Variants in STKLD1 observed in about 807,000 individuals in gnomAD.
The protein encoded by STKLD1 is serine/threonine kinase-like domain-containing protein STKLD1.
Under a neutral mutation model 80.4 loss-of-function variants are expected in STKLD1, and 79 were observed. That is an observed-to-expected ratio of 0.98 (90% CI 0.82 to 1.19). STKLD1 has a LOEUF of 1.19. STKLD1 is among the 50% of genes most tolerant of loss of function. The probability of loss-of-function intolerance (pLI) is 0.00; values close to 1 mark genes in which losing one functional copy is unlikely to be tolerated. For missense variants in STKLD1, 841 were observed against 856.0 expected, an observed-to-expected ratio of 0.98 and a Z score of 0.22; for synonymous variants, 393 against 357.6, an observed-to-expected ratio of 1.10 and a Z score of -1.12.
In STKLD1 at chr9:133,403,032, C is replaced by T; in HGVS notation, c.1474+20C>T. ...TGGACGGTGAGGGGCCCTCCTCCTGCTGTCCCACCGGGGCTGGCAGCCCTC... is the reference window on the plus strand; with the variant it reads ...TGGACGGTGAGGGGCCCTCCTCCTGTTGTCCCACCGGGGCTGGCAGCCCTC... On this transcript the variant is annotated intron_variant, in intron 14 of 17. Coordinates refer to ENST00000371957, the MANE Select transcript of STKLD1 (RefSeq NM_153710.5). The T allele has an allele frequency of 6.4e-7, 1 of 1,550,764 alleles. No homozygotes were observed. Among genetic ancestry groups the T allele is most frequent in the Non-Finnish European group, 8.7e-7 (1 of 1,146,602 alleles).
chr9:133,388,806 G>C (rs2130282902), intron 5 of STKLD1: 44 of 985,286 alleles, frequency 4.5e-5, no homozygotes, highest in Non-Finnish European at 5.2e-5. Flanking sequence ...GTACCCCTGA[G>C]GGGCTCTTCG....
Position 133,403,730 on chromosome 9 carries a change from A to C in STKLD1, c.1505A>C (p.Lys502Thr), listed in dbSNP as rs782586055. ...GIIVNKAPLEKVPDLISQVLA... is the reference protein window; with the variant it reads ...GIIVNKAPLETVPDLISQVLA... ...ATTGTGAACAAGGCCCCCTTGGAGA[A>C]GGTCCCGGACCTCATCAGCCAGGTG... Residue 502 changes from lysine to threonine, a missense_variant, in exon 15 of 18, where the codon AAG becomes ACG. Coordinates refer to ENST00000371957, the MANE Select transcript of STKLD1 (RefSeq NM_153710.5). 1 of 1,613,780 alleles carries C rather than the reference A, an allele frequency of 6.2e-7. No individual in the cohort carries two copies. Among genetic ancestry groups the C allele is most frequent in the South Asian group, 1.1e-5 (1 of 91,064 alleles).
At position 133,404,051 on chromosome 9, in the gene STKLD1, G is replaced by T. The variant is rs782548044; in HGVS notation, c.1732+3G>T. 3 of 1,596,078 alleles carry T rather than the reference G, an allele frequency of 1.9e-6. No homozygotes were observed. Among genetic ancestry groups the T allele is most frequent in the Non-Finnish European group, 2.6e-6 (3 of 1,171,790 alleles). The stretch of plus-strand genomic sequence containing the variant: ...GGCCAGCCTGGTGAAGGTGTCAGGT[G>T]AGCCTGGGGACAGGACGAGGCTGCC... On this transcript the variant is annotated splice_donor_region_variant and intron_variant, in intron 16 of 17. Transcript: ENST00000371957.
At chr9:133,403,265 C>T (rs1838756651) in intron 14 of STKLD1, among the ~76,000 whole-genome samples, 1 of 152,234 alleles carries the variant, frequency 6.6e-6, no homozygotes, top group Non-Finnish European at 1.5e-5. Flanking sequence ...TGGGCAGACC[C>T]CTCAGTTTTA....
chr9:133,394,603 C>T lies in STKLD1; in HGVS notation c.702+194C>T, dbSNP rs909194607. ...CCCTCAGCTTGCAGCACCTGCTGGG[C>T]TCTAGCAGGATAATGACAGCAGTGG... On this transcript the variant is annotated intron_variant, in intron 8 of 17. Coordinates refer to ENST00000371957, the MANE Select transcript of STKLD1 (RefSeq NM_153710.5). This position sits in a 1 kb window ranked among gnomAD's most constrained non-coding sequence, Gnocchi z 4.9. Among the ~76,000 whole-genome samples the T allele has an allele frequency of 6.6e-6, 1 of 152,190 alleles. No homozygotes were observed. The highest frequency in any genetic ancestry group is 1.5e-5 in the Non-Finnish European group (1 of 68,028).
At position 133,400,519 on chromosome 9, in the gene STKLD1, C is replaced by T. The variant is rs1239033220; in HGVS notation, c.1188C>T (p.Leu396=). Residue 396 remains leucine, a synonymous_variant, in exon 12 of 18, where the codon CTC becomes CTT. Transcript: ENST00000371957. ...GTGCCTGCTCCCTGCTGCTGCACCT[C>T]CTGGGCCAAGGTGGGTGCCAAACCA... ...QLCACSLLLH[L]LGQALVHHPE... 1 of 1,611,724 alleles carries T rather than the reference C, an allele frequency of 6.2e-7. No individual in the cohort carries two copies. Among genetic ancestry groups the T allele is most frequent in the East Asian group, 2.2e-5 (1 of 44,868 alleles).
intron 2 of STKLD1, among the ~76,000 whole-genome samples, chr9:133,380,204 T>G (rs1480206013): frequency 1.3e-5 from 2 of 152,074 alleles, no homozygotes; most frequent in African/African-American, 4.8e-5. Flanking sequence ...CCCGGCTAAT[T>G]TTTTGTATTT....
chr9:133,401,527 G>GC (rs782364210), intron 12 of STKLD1, among the ~76,000 whole-genome samples: 7 of 152,208 alleles, frequency 4.6e-5, no homozygotes, highest in Non-Finnish European at 1.0e-4. Context: ...GGACCAGGAT[G>GC]CGTGGCCTGG....
Position 133,394,676 on chromosome 9 carries a change from G to A in STKLD1, c.702+267G>A. 2.2e-6 allele frequency: 1 copy of A among 462,894 alleles called. No individual in the cohort carries two copies. Among genetic ancestry groups the A allele is most frequent in the East Asian group, 3.7e-5 (1 of 27,084 alleles). The allele number at this position is 462,894 out of a possible 1,614,324, so 28.7% of individuals were successfully genotyped here. A position where few individuals can be genotyped will look rare whatever the true frequency, so the allele number is the denominator to read the frequency against. Reference sequence around the variant, plus strand: ...GACCCTCGCAGCAGCCCTCCAGGTGGTGTCACTGACTCTTGATGGAGAAAA... The same window carrying A: ...GACCCTCGCAGCAGCCCTCCAGGTGATGTCACTGACTCTTGATGGAGAAAA... On this transcript the variant is annotated intron_variant, in intron 8 of 17. Coordinates refer to ENST00000371957, the MANE Select transcript of STKLD1 (RefSeq NM_153710.5). This position sits in a 1 kb window ranked among gnomAD's most constrained non-coding sequence, Gnocchi z 4.9.
chr9:133,401,143 C>CCTTTT (rs1390295887), intron 12 of STKLD1, among the ~76,000 whole-genome samples: 2,792 of 137,920 alleles, frequency 0.02, 129 homozygotes, highest in African/African-American at 0.068. Flanking sequence ...TATTTAGTTA[C>CCTTTT]TTTTTTTTTT....
chr9:133,394,038 C>T lies in STKLD1; in HGVS notation c.584-253C>T, dbSNP rs1838492805. ...CAGACACACCACCTATATGGGCCAG[C>T]CTGGTGGGCACCCACCAAGATGGAC... On this transcript the variant is annotated intron_variant, in intron 7 of 17. Coordinates refer to ENST00000371957, the MANE Select transcript of STKLD1 (RefSeq NM_153710.5). The surrounding 1 kb of genome is among the most constrained non-coding windows in gnomAD (Gnocchi z 4.9). 2 of 504,864 alleles carry T rather than the reference C, an allele frequency of 4.0e-6. No individual in the cohort carries two copies. The highest frequency in any genetic ancestry group is 6.5e-5 in the Admixed American group (2 of 30,552). The allele number at this position is 504,864 out of a possible 1,614,324, so 31.3% of individuals were successfully genotyped here.
At chr9:133,391,343 C>T (rs1369116937) in intron 7 of STKLD1, among the ~76,000 whole-genome samples, 1 of 149,636 alleles carries the variant, frequency 6.7e-6, no homozygotes, top group Non-Finnish European at 1.5e-5. Flanking sequence ...TCTGCCCGGC[C>T]GCCACCCCGT....
intron 2 of STKLD1, among the ~76,000 whole-genome samples, chr9:133,380,402 G>A (rs1377042445): frequency 2.6e-5 from 4 of 151,998 alleles, no homozygotes; most frequent in East Asian, 3.9e-4. Context: ...CCCTGTAATC[G>A]CAGCATTTTG....
chr9:133,387,978 T>A (rs1838301700), intron 5 of STKLD1: 1 of 399,654 alleles, frequency 2.5e-6, no homozygotes, highest in African/African-American at 2.1e-5. Context: ...GCTGCCTGAT[T>A]GCGCTGCAGG....
Position 133,385,692 on chromosome 9 carries a change from G to T in STKLD1, c.294+1G>T. On this transcript the variant is annotated splice_donor_variant, in intron 4 of 17. Coordinates refer to ENST00000371957, the MANE Select transcript of STKLD1 (RefSeq NM_153710.5). LOFTEE classifies it high-confidence loss of function. This position sits in a 1 kb window ranked among gnomAD's most constrained non-coding sequence, Gnocchi z 4.9. Reference sequence around the variant, plus strand: ...GCTGTTCATCACGTGGAATGGGGAGGTGGGTCAGAGCTGACACCTACGGGC... The same window carrying T: ...GCTGTTCATCACGTGGAATGGGGAGTTGGGTCAGAGCTGACACCTACGGGC... 1 of 1,613,016 alleles carries T rather than the reference G, an allele frequency of 6.2e-7. No individual in the cohort carries two copies. The highest frequency in any genetic ancestry group is 8.5e-7 in the Non-Finnish European group (1 of 1,179,924).
intron 7 of STKLD1, among the ~76,000 whole-genome samples, chr9:133,392,237 C>T (rs1306894304): frequency 6.6e-6 from 1 of 152,050 alleles, no homozygotes; most frequent in Non-Finnish European, 1.5e-5. Context: ...CCACTGGGCC[C>T]AGCTAATTTT....
At chr9:133,383,490 A>ATGG (rs1838198725) in intron 2 of STKLD1, among the ~76,000 whole-genome samples, 1 of 19,870 alleles carries the variant, frequency 5.0e-5, no homozygotes, top group African/African-American at 1.5e-4. Flanking sequence ...TGTGATGGTG[A>ATGG]TGATGGTGGT....
Position 133,390,862 on chromosome 9 carries a change from A to G in STKLD1, c.583+66A>G. On this transcript the variant is annotated intron_variant, in intron 7 of 17. Coordinates refer to ENST00000371957, the MANE Select transcript of STKLD1 (RefSeq NM_153710.5). The surrounding 1 kb of genome is among the most constrained non-coding windows in gnomAD (Gnocchi z 5.1). The stretch of plus-strand genomic sequence containing the variant: ...GCCTAGAATCCAGGCGGCGTTGGCC[A>G]CTCTGGGTGCTGGAGTGAGGCAACA... 1 of 1,250,648 alleles carries G rather than the reference A, an allele frequency of 8.0e-7. No individual in the cohort carries two copies. Among genetic ancestry groups the G allele is most frequent in the Non-Finnish European group, 1.2e-6 (1 of 851,670 alleles). 77.5% of individuals were successfully genotyped at this position (1,250,648 alleles called of 1,614,324 possible).
At chr9:133,387,348 G>A (rs1838286449) in intron 4 of STKLD1, 99 bp from the exon 5 acceptor site, 2 of 926,782 alleles carry the variant, frequency 2.2e-6, no homozygotes, top group Admixed American at 2.2e-5. Flanking sequence ...CACGGCCACT[G>A]CAAATGGCAG....
Sources: gnomAD v4.1 joint callset for allele counts (sites outside exome capture counted in the v4.1 genomes callset) on GRCh38, gnomAD v4.1.1 for gene constraint, Gnocchi (gnomAD v3.1) non-coding constraint, MANE v1.5 for transcripts, NCBI Gene and HGNC (gene_info 2026-07-23, HGNC 2026-07-21) for gene names.